NUP88: variants seen among roughly 807,000 people sequenced by gnomAD.
NUP88 encodes the protein nuclear pore complex protein Nup88.
A neutral mutation model predicts 93.9 loss-of-function variants in NUP88; 57 were observed. That is an observed-to-expected ratio of 0.61 (90% CI 0.49 to 0.76). The LOEUF (loss-of-function observed/expected upper bound fraction) is 0.76, where lower values mean the gene tolerates loss of function less well. Ranked by LOEUF, NUP88 falls within the 30% of genes least tolerant of loss-of-function variation. The pLI is 0.00. For synonymous variants in NUP88, 346 were observed against 336.8 expected, an observed-to-expected ratio of 1.03 and a Z score of -0.30; for missense variants, 911 against 901.0, an observed-to-expected ratio of 1.01 and a Z score of -0.14.
chr17:5,411,582 A>C (rs1163719537), intron 3 of NUP88, among the ~76,000 whole-genome samples: 1 of 55,746 alleles, frequency 1.8e-5, no homozygotes, highest in Non-Finnish European at 3.8e-5. Context: ...CTCCATTTCA[A>C]AAAAAAAAAA....
chr17:5,415,251 C>G (rs1914070858), intron 2 of NUP88, among the ~76,000 whole-genome samples: 3 of 152,206 alleles, frequency 2.0e-5, no homozygotes, highest in Admixed American at 1.3e-4. Flanking sequence ...AGCTCCTGAG[C>G]TCAGGTGATC....
In NUP88 at chr17:5,419,219, A is replaced by G. The variant is rs977630113; in HGVS notation, c.297+135T>C. The G allele has an allele frequency of 3.9e-6, 4 of 1,022,346 alleles. No individual in the cohort carries two copies. The African/African-American group carries it at 6.5e-5, about 17-fold the overall frequency. 63.3% of individuals were successfully genotyped at this position (1,022,346 alleles called of 1,614,324 possible). ...CATCGAGAGAGCCTGAGTCCCCGCG[A>G]CCGCGTATGGCAGCGTCGGAGTCAA... On this transcript the variant is annotated intron_variant, in intron 1 of 16. Transcript: ENST00000573584.
At chr17:5,399,331 A>G (rs1913003171) in intron 8 of NUP88, among the ~76,000 whole-genome samples, 1 of 150,222 alleles carries the variant, frequency 6.7e-6, no homozygotes, top group Non-Finnish European at 1.5e-5. Context: ...TTCCTTTATA[A>G]TCTTTTATTT....
intron 8 of NUP88, among the ~76,000 whole-genome samples, chr17:5,395,364 T>C (rs1912708086): frequency 6.6e-6 from 1 of 152,160 alleles, no homozygotes; most frequent in Non-Finnish European, 1.5e-5. Context: ...TTATACTTAG[T>C]AGTTGAACAT....
intron 5 of NUP88, among the ~76,000 whole-genome samples, chr17:5,408,471 G>A (rs1403049389): frequency 6.6e-6 from 1 of 152,116 alleles, no homozygotes; most frequent in Non-Finnish European, 1.5e-5. Flanking sequence ...GCACTTGTTC[G>A]GATAACTAGA....
chr17:5,397,377 C>T (rs1008321284), intron 8 of NUP88, among the ~76,000 whole-genome samples: 8 of 151,698 alleles, frequency 5.3e-5, no homozygotes, highest in Admixed American at 4.6e-4. Flanking sequence ...AGGGACATTA[C>T]CTTGGATTAT....
chr17:5,392,511 G>A (rs1319426040), intron 9 of NUP88, among the ~76,000 whole-genome samples: 1 of 152,144 alleles, frequency 6.6e-6, no homozygotes, highest in Non-Finnish European at 1.5e-5. Flanking sequence ...TATCTGGAAG[G>A]TTGTAAACTT....
intron 6 of NUP88, among the ~76,000 whole-genome samples, chr17:5,404,742 T>A (rs1353828169): frequency 6.6e-6 from 1 of 152,230 alleles, no homozygotes; most frequent in Non-Finnish European, 1.5e-5. Flanking sequence ...ACGTCTCTCT[T>A]CCTTTAGGAA....
Position 5,387,829 on chromosome 17 carries a change from T to G in NUP88, c.1719A>C (p.Arg573Ser), listed in dbSNP as rs201923756. 84 of 1,613,934 alleles carry G rather than the reference T, an allele frequency of 5.2e-5. 1 individual carries two copies. The highest frequency in any genetic ancestry group is 2.8e-5 in the Non-Finnish European group (33 of 1,180,016). The change falls in exon 12 of 17, where the codon AGA becomes AGC. Residue 573 changes from arginine to serine, a missense_variant. Transcript: ENST00000573584. Reference sequence around the variant, plus strand: ...AGTCCTGTTTGAGAATGTACTGCTCTCTGAACACCTGGGTGGCTCTGCTGA... The same window carrying G: ...AGTCCTGTTTGAGAATGTACTGCTCGCTGAACACCTGGGTGGCTCTGCTGA... ...QLLSRATQVF[R>S]EQYILKQDLA...
In NUP88 at chr17:5,419,635, C is replaced by T. The variant is rs150994660; in HGVS notation, c.16G>A (p.Gly6Arg). 1.1e-4 allele frequency: 173 copies of T among 1,590,900 alleles called. 1 individual carries two copies. In the African/African-American group the frequency reaches 1.4e-3, roughly 12 times the overall value. Residue 6 changes from glycine (G) to arginine (R), a missense_variant, in exon 1 of 17, where the codon GGA (glycine) becomes AGA (arginine). Coordinates refer to ENST00000573584, the MANE Select transcript of NUP88 (RefSeq NM_002532.6). ...CACAGCTCGCCGTCGCCCACCGGTC[C>T]CTCGGCGGCCGCCATCTTGGCCCAA... Reference protein sequence around the residue: MAAAEGPVGDGELWQT... With the variant: MAAAERPVGDGELWQT...
intron 9 of NUP88, among the ~76,000 whole-genome samples, chr17:5,394,395 G>A (rs1364031435): frequency 2.0e-5 from 3 of 152,112 alleles, no homozygotes; most frequent in Non-Finnish European, 4.4e-5. Flanking sequence ...TCAAAGAGGA[G>A]ACATGGGCAA....
Position 5,385,197 on chromosome 17 carries a change from C to T in NUP88, c.*1009G>A, listed in dbSNP as rs922552384. On this transcript the variant is annotated 3_prime_UTR_variant, in exon 17 of 17. Transcript: ENST00000573584. ...TTAAGTTTTGTTTAGCAATGTGTTT[C>T]TGGTATGAAACAAACTACTGTGTCA... 2 of 229,998 alleles carry T rather than the reference C, an allele frequency of 8.7e-6. No individual in the cohort carries two copies. The highest frequency in any genetic ancestry group is 4.4e-5 in the African/African-American group (2 of 45,196). 14.2% of individuals were successfully genotyped at this position (229,998 alleles called of 1,614,324 possible).
chr17:5,392,859 G>A (rs915746626), intron 9 of NUP88, among the ~76,000 whole-genome samples: 5 of 152,126 alleles, frequency 3.3e-5, no homozygotes, highest in Admixed American at 1.3e-4. Flanking sequence ...GTGCGATCAC[G>A]ACTCACTGCA....
intron 10 of NUP88, among the ~76,000 whole-genome samples, chr17:5,390,875 T>C (rs1000002315): frequency 6.6e-6 from 1 of 152,068 alleles, no homozygotes; most frequent in Non-Finnish European, 1.5e-5. Context: ...TTTTGTTTTT[T>C]GTAGAGATGG....
chr17:5,386,421 T>C, intron 16 of NUP88, 152 bp from the exon 17 acceptor site: 1 of 693,912 alleles, frequency 1.4e-6, no homozygotes, highest in Non-Finnish European at 2.5e-6. Flanking sequence ...TAGTGTTCAC[T>C]ATTCATTTAA....
chr17:5,398,041 G>C (rs938471136), intron 8 of NUP88, among the ~76,000 whole-genome samples: 1 of 151,996 alleles, frequency 6.6e-6, no homozygotes, highest in South Asian at 2.1e-4. Flanking sequence ...CGAGTAGCTG[G>C]GATTACAGGC....
chr17:5,416,166 A>AATATATATATATATATAT (rs1914129874), intron 2 of NUP88, among the ~76,000 whole-genome samples: 1 of 57,982 alleles, frequency 1.7e-5, no homozygotes, highest in Non-Finnish European at 3.2e-5. Context: ...AAAAAAAAAA[A>AATATATATATATATATAT]GTATATATAT....
chr17:5,400,382 G>A (rs1487944081), intron 7 of NUP88, among the ~76,000 whole-genome samples: 1 of 151,660 alleles, frequency 6.6e-6, no homozygotes, highest in Non-Finnish European at 1.5e-5. Flanking sequence ...TGTGATCCCA[G>A]CTACTCGGGA....
At chr17:5,416,144 C>CAA (rs1206275413) in intron 2 of NUP88, among the ~76,000 whole-genome samples, 49 of 72,574 alleles carry the variant, frequency 6.8e-4, no homozygotes, top group African/African-American at 1.2e-3. Flanking sequence ...GACTCCATCT[C>CAA]AAAAAAAAAA....
Sources: allele counts gnomAD v4.1 joint callset (sites outside exome capture counted in the v4.1 genomes callset), GRCh38; gene constraint gnomAD v4.1.1; transcripts MANE v1.5; gene names NCBI Gene and HGNC (gene_info 2026-07-23, HGNC 2026-07-21).